DCC: variants seen among roughly 807,000 people sequenced by gnomAD.
The protein encoded by DCC is DCC netrin 1 receptor.
In DCC, 58 loss-of-function variants were observed where a neutral mutation model predicts 172.5. The observed-to-expected ratio is 0.34, with a 90% CI of 0.27 to 0.42. The LOEUF (loss-of-function observed/expected upper bound fraction) is 0.42. Ranked by LOEUF, DCC falls within the 10% of genes least tolerant of loss-of-function variation. The pLI is 1.00. For missense variants in DCC, 1,740 were observed against 1,791.0 expected (o/e 0.97, Z 0.51); for synonymous variants, 709 against 644.5 (o/e 1.10, Z -1.52).
At chr18:52,628,202 T>TC (rs2034609223) in intron 1 of DCC, among the ~76,000 whole-genome samples, 1 of 152,206 alleles carries the variant, frequency 6.6e-6, no homozygotes, top group African/African-American at 2.4e-5. Context: ...GACTTTTTTT[T>TC]CATCAAAGAG....
intron 1 of DCC, among the ~76,000 whole-genome samples, chr18:52,456,305 CATT>C (rs1303267625): frequency 2.0e-5 from 3 of 152,010 alleles, no homozygotes; most frequent in Admixed American, 2.0e-4. Context: ...AATAAATAGA[CATT>C]ATATTGCATT....
chr18:53,427,592 A>G (rs1911059077), intron 21 of DCC, among the ~76,000 whole-genome samples: 1 of 151,630 alleles, frequency 6.6e-6, no homozygotes, highest in African/African-American at 2.4e-5. Flanking sequence ...TTATTGTCAC[A>G]TAGGTTAGAA....
intron 1 of DCC, among the ~76,000 whole-genome samples, chr18:52,374,181 C>A (rs1985249170): frequency 6.6e-6 from 1 of 152,048 alleles, no homozygotes; most frequent in African/African-American, 2.4e-5. Flanking sequence ...CATGAGCCAC[C>A]ATGCTGGGCC....
intron 7 of DCC, among the ~76,000 whole-genome samples, chr18:53,116,189 CACAA>C (rs1407072741): frequency 4.6e-5 from 7 of 151,566 alleles, no homozygotes; most frequent in African/African-American, 1.7e-4. Context: ...GGACAAAACG[CACAA>C]ACAAAGCAAG....
intron 2 of DCC, among the ~76,000 whole-genome samples, chr18:52,845,446 G>A (rs2038869642): frequency 6.6e-6 from 1 of 152,214 alleles, no homozygotes; most frequent in Admixed American, 6.5e-5. Flanking sequence ...CAAAAGCACA[G>A]CCATGGCCCC....
chr18:53,250,514 G>A (rs988829439), intron 12 of DCC, among the ~76,000 whole-genome samples: 4 of 151,752 alleles, frequency 2.6e-5, no homozygotes, highest in Non-Finnish European at 4.4e-5. Context: ...CTGATCTGGT[G>A]TCTGCCCAGC....
At chr18:53,018,555 A>G (rs2041839119) in intron 5 of DCC, among the ~76,000 whole-genome samples, 1 of 152,070 alleles carries the variant, frequency 6.6e-6, no homozygotes, top group Non-Finnish European at 1.5e-5. Flanking sequence ...TTTCTCAGGG[A>G]TGATTTTTCT....
intron 7 of DCC, among the ~76,000 whole-genome samples, chr18:53,084,104 G>A (rs144161980): frequency 9.9e-5 from 15 of 152,170 alleles, no homozygotes; most frequent in African/African-American, 3.6e-4. Flanking sequence ...AGGCTGAGAA[G>A]TGCAACGTTT....
At position 53,264,476 on chromosome 18, in the gene DCC, C is replaced by CAA. The variant is rs935972832; in HGVS notation, c.1912-41083_1912-41082dup. Among the ~76,000 whole-genome samples, 267 of 46,218 alleles carry CAA rather than the reference C, an allele frequency of 5.8e-3. 3 individuals carry two copies. Among genetic ancestry groups the CAA allele is most frequent in the African/African-American group, 0.016 (234 of 14,918 alleles). 30.3% of individuals were successfully genotyped at this position (46,218 alleles called of 152,430 possible). On this transcript the variant is annotated intron_variant, in intron 12 of 28. Coordinates refer to ENST00000442544, the MANE Select transcript of DCC (RefSeq NM_005215.4). ...GGGCGAAACGAGCAAAACTCCGTCT[C>CAA]AAAAAAAAAAAAAAAAAAAAGAAGA...
At chr18:52,422,090 A>G (rs1987268177) in intron 1 of DCC, among the ~76,000 whole-genome samples, 1 of 152,194 alleles carries the variant, frequency 6.6e-6, no homozygotes, top group Non-Finnish European at 1.5e-5. Context: ...GCCAACATGT[A>G]GATAAAATAT....
intron 5 of DCC, among the ~76,000 whole-genome samples, chr18:52,954,798 AGAG>A (rs2040715232): frequency 6.6e-6 from 1 of 152,176 alleles, no homozygotes; most frequent in Admixed American, 6.5e-5. Flanking sequence ...TTCATTATAG[AGAG>A]GAGTTGTATA....
At chr18:52,811,110 A>G (rs1403921272) in intron 2 of DCC, among the ~76,000 whole-genome samples, 1 of 152,232 alleles carries the variant, frequency 6.6e-6, no homozygotes, top group East Asian at 1.9e-4. Flanking sequence ...TTCAAAAAAG[A>G]TATGTTTGCT....
chr18:52,948,174 TATC>T (rs986216677), intron 5 of DCC, among the ~76,000 whole-genome samples: 6 of 152,218 alleles, frequency 3.9e-5, no homozygotes, highest in East Asian at 3.9e-4. Flanking sequence ...TTCCATGTGA[TATC>T]ATGGGTATTT....
intron 1 of DCC, among the ~76,000 whole-genome samples, chr18:52,739,978 A>G (rs1198161119): frequency 6.6e-6 from 1 of 152,154 alleles, no homozygotes; most frequent in Non-Finnish European, 1.5e-5. Flanking sequence ...TCTAATTAGA[A>G]TATTTTTAGA....
intron 1 of DCC, among the ~76,000 whole-genome samples, chr18:52,634,598 G>T (rs1343917847): frequency 6.6e-6 from 1 of 152,134 alleles, no homozygotes; most frequent in Non-Finnish European, 1.5e-5. Flanking sequence ...ATACATTGGT[G>T]TTTCCTTAAA....
chr18:52,351,326 A>G (rs1984112918), intron 1 of DCC, among the ~76,000 whole-genome samples: 1 of 152,202 alleles, frequency 6.6e-6, no homozygotes, highest in African/African-American at 2.4e-5. Flanking sequence ...TGTACTTGGT[A>G]GATATTGACT....
intron 15 of DCC, among the ~76,000 whole-genome samples, chr18:53,344,855 A>G (rs2057705077): frequency 6.6e-6 from 1 of 150,598 alleles, no homozygotes; most frequent in South Asian, 2.1e-4. Context: ...TTTGCACTCC[A>G]GCCTGGGTGA....
rs112078051 is a variant in DCC, at chr18:53,222,530, G to A, written c.1911+6933G>A. On this transcript the variant is annotated intron_variant, in intron 12 of 28. Coordinates refer to ENST00000442544, the MANE Select transcript of DCC (RefSeq NM_005215.4). ...CTCCTGAGTAGCTGGGACTACAGGC[G>A]TGTGCCACCATGCCTGGCTAATTTT... Among the ~76,000 whole-genome samples the A allele has an allele frequency of 3.3e-3, 494 of 151,714 alleles. 5 individuals are homozygous for A. The highest frequency in any genetic ancestry group is 0.019 in the South Asian group (91 of 4,806).
intron 1 of DCC, among the ~76,000 whole-genome samples, chr18:52,626,064 A>G (rs1294857310): frequency 6.6e-6 from 1 of 152,174 alleles, no homozygotes; most frequent in African/African-American, 2.4e-5. Context: ...TCATGACATT[A>G]CATGTCATTT....
Sources: gnomAD v4.1 joint callset for allele counts (sites outside exome capture counted in the v4.1 genomes callset) on GRCh38, gnomAD v4.1.1 for gene constraint, MANE v1.5 for transcripts, NCBI Gene and HGNC (gene_info 2026-07-23, HGNC 2026-07-21) for gene names.